The following GTF2IRD1 variants were observed in gnomAD, a reference collection of about 807,000 sequenced individuals.
GTF2IRD1 encodes the protein GTF2I repeat domain containing 1.
In GTF2IRD1, 26 loss-of-function variants were observed where a neutral mutation model predicts 113.2. That is an observed-to-expected ratio of 0.23 (90% confidence interval 0.17 to 0.32). GTF2IRD1 has a LOEUF of 0.32. Ranked by LOEUF, GTF2IRD1 falls within the 10% of genes least tolerant of loss-of-function variation. The pLI is 1.00. For synonymous variants in GTF2IRD1, 484 were observed against 529.1 expected (o/e 0.91, Z 1.17); for missense variants, 864 against 1,280.8 (o/e 0.67, Z 4.97).
At chr7:74,553,666 G>T (rs1194007871) in intron 17 of GTF2IRD1, among the ~76,000 whole-genome samples, 1 of 152,194 alleles carries the variant, frequency 6.6e-6, no homozygotes, top group East Asian at 1.9e-4. Flanking sequence ...GTGGCCGACG[G>T]GAGAGGCCGT....
chr7:74,572,646 T>G (rs1554362950), intron 22 of GTF2IRD1: 1 of 628,744 alleles, frequency 1.6e-6, no homozygotes, highest in Non-Finnish European at 2.0e-6. Context: ...GCACACACCC[T>G]CTGGCCCCTG....
intron 1 of GTF2IRD1, among the ~76,000 whole-genome samples, chr7:74,476,727 C>T (rs562314108): frequency 6.6e-6 from 1 of 152,156 alleles, no homozygotes; most frequent in Non-Finnish European, 1.5e-5. Flanking sequence ...GCCTTTGGGG[C>T]CAGTGCTCCT....
chr7:74,543,101 G>A (rs587595218), intron 14 of GTF2IRD1, among the ~76,000 whole-genome samples: 11 of 152,134 alleles, frequency 7.2e-5, no homozygotes, highest in Admixed American at 4.6e-4. Context: ...TCAGGAGTTC[G>A]AGACCAGCCT....
At chr7:74,502,168 G>A (rs548790809) in intron 1 of GTF2IRD1, among the ~76,000 whole-genome samples, 1 of 152,252 alleles carries the variant, frequency 6.6e-6, no homozygotes, top group Non-Finnish European at 1.5e-5. Context: ...TGAACTTCTG[G>A]CCTCAAGCCA....
intron 1 of GTF2IRD1, among the ~76,000 whole-genome samples, chr7:74,492,008 TTTG>T (rs1356010785): frequency 2.0e-5 from 3 of 152,060 alleles, no homozygotes; most frequent in Admixed American, 2.0e-4. Flanking sequence ...TGTTTTTGTT[TTTG>T]TTTTTGTTTT....
intron 4 of GTF2IRD1, 85 bp downstream of exon 4, chr7:74,515,681 C>A: frequency 1.6e-6 from 2 of 1,242,654 alleles, no homozygotes; most frequent in African/African-American, 3.0e-5. Flanking sequence ...CCCCTCCTGT[C>A]CCACTATGGG....
chr7:74,589,864 C>G lies in GTF2IRD1; in HGVS notation c.2334C>G (p.Ala778=). Residue 778 remains alanine (A), a synonymous_variant, in exon 23 of 27, where the codon GCC becomes GCG. Transcript: ENST00000424337. ...GLIPKPDEDD[A]NRLGEKVILR... The stretch of plus-strand genomic sequence containing the variant: ...TTCCTCTTGTAGATGAAGATGACGC[C>G]AACAGACTCGGGGAGAAGGTGATCC... 6.2e-7 allele frequency: 1 copy of G among 1,611,102 alleles called. No homozygotes were observed. The highest frequency in any genetic ancestry group is 8.5e-7 in the Non-Finnish European group (1 of 1,177,328).
intron 8 of GTF2IRD1, among the ~76,000 whole-genome samples, chr7:74,528,696 A>C (rs1797742985): frequency 6.8e-6 from 1 of 146,552 alleles, no homozygotes; most frequent in African/African-American, 2.5e-5. Flanking sequence ...GAGGGAGGGA[A>C]GGAAAGATGG....
chr7:74,473,270 G>C (rs1470771889), intron 1 of GTF2IRD1, among the ~76,000 whole-genome samples: 1 of 152,210 alleles, frequency 6.6e-6, no homozygotes, highest in African/African-American at 2.4e-5. Flanking sequence ...GAGAGATCTT[G>C]GCCGGTGTCC....
intron 1 of GTF2IRD1, among the ~76,000 whole-genome samples, chr7:74,489,974 T>TTGTG (rs1445674676): frequency 6.6e-6 from 1 of 151,728 alleles, no homozygotes; most frequent in Non-Finnish European, 1.5e-5. Context: ...CAGATTTTTT[T>TTGTG]TGTGTGTGTG....
At chr7:74,465,981 G>C (rs1044238310) in intron 1 of GTF2IRD1, among the ~76,000 whole-genome samples, 1 of 152,200 alleles carries the variant, frequency 6.6e-6, no homozygotes, top group Non-Finnish European at 1.5e-5. Flanking sequence ...ATGTTGCCCA[G>C]GCTGGTCTTG....
intron 1 of GTF2IRD1, among the ~76,000 whole-genome samples, chr7:74,457,982 G>T (rs1793103367): frequency 1.3e-5 from 2 of 151,012 alleles, no homozygotes; most frequent in South Asian, 4.2e-4. Context: ...GGGTTCAAGC[G>T]ATTCTCCTGC....
In GTF2IRD1 at chr7:74,468,987, A is replaced by G. The variant is rs565631107; in HGVS notation, c.-7+14811A>G. Among the ~76,000 whole-genome samples, 8 of 151,744 alleles carry G rather than the reference A, an allele frequency of 5.3e-5. No homozygotes were observed. In the South Asian group the frequency reaches 1.5e-3, roughly 28 times the overall value. ...GTAGTCCCAGCTACTCGGGAGGCTG[A>G]GGCAGGAGAATGACGTGAACCCGGG... On this transcript the variant is annotated intron_variant, in intron 1 of 26. Coordinates refer to ENST00000424337, the MANE Select transcript of GTF2IRD1 (RefSeq NM_005685.4).
chr7:74,560,812 C>T (rs1453541392), intron 22 of GTF2IRD1, among the ~76,000 whole-genome samples: 2 of 151,856 alleles, frequency 1.3e-5, no homozygotes, highest in Non-Finnish European at 2.9e-5. Flanking sequence ...AACTCCTGGC[C>T]TCAAGTGATC....
chr7:74,544,434 T>C (rs1357214663), intron 14 of GTF2IRD1, among the ~76,000 whole-genome samples: 1 of 152,032 alleles, frequency 6.6e-6, no homozygotes, highest in Non-Finnish European at 1.5e-5. Context: ...AATCCACCCA[T>C]CTCAGCCTCC....
At chr7:74,496,516 C>T (rs568007440) in intron 1 of GTF2IRD1, among the ~76,000 whole-genome samples, 19 of 106,732 alleles carry the variant, frequency 1.8e-4, no homozygotes, top group South Asian at 1.6e-3. Context: ...TGTGGGTGTG[C>T]GTGTGTGGGT....
intron 1 of GTF2IRD1, among the ~76,000 whole-genome samples, chr7:74,462,383 C>G (rs1554329548): frequency 6.6e-6 from 1 of 152,198 alleles, no homozygotes; most frequent in Non-Finnish European, 1.5e-5. Flanking sequence ...AACCACTGAT[C>G]TGTCTTCTGT....
At chr7:74,470,963 G>A (rs2117004407) in intron 1 of GTF2IRD1, among the ~76,000 whole-genome samples, 1 of 152,194 alleles carries the variant, frequency 6.6e-6, no homozygotes, top group East Asian at 1.9e-4. Flanking sequence ...CACCACACCT[G>A]GTTAATTTTT....
intron 1 of GTF2IRD1, among the ~76,000 whole-genome samples, chr7:74,486,880 G>A (rs1477919323): frequency 2.6e-5 from 4 of 152,106 alleles, no homozygotes; most frequent in East Asian, 1.9e-4. Context: ...TCAGGACACT[G>A]AGGGTGGCGT....
Sources: allele counts gnomAD v4.1 joint callset (sites outside exome capture counted in the v4.1 genomes callset), GRCh38; gene constraint gnomAD v4.1.1; transcripts MANE v1.5; gene names NCBI Gene and HGNC (gene_info 2026-07-23, HGNC 2026-07-21).